Variants in SYBU observed in about 807,000 individuals in gnomAD.
SYBU encodes the protein GOLSYN A protein.
SYBU carries 21 observed loss-of-function variants against 35.9 expected under a neutral mutation model. The ratio of observed to expected loss-of-function variants is 0.58; its 90% CI spans 0.41 to 0.84. The LOEUF (loss-of-function observed/expected upper bound fraction) is 0.84. Among genes scored for constraint, SYBU ranks in the 40% least tolerant of loss-of-function variants. The pLI is 0.00. For missense variants in SYBU, 768 were observed against 848.2 expected (o/e 0.91, Z 1.17); for synonymous variants, 319 against 324.3 (o/e 0.98, Z 0.18).
chr8:109,627,169 C>T (rs1813080368), intron 2 of SYBU, among the ~76,000 whole-genome samples: 3 of 152,050 alleles, frequency 2.0e-5, no homozygotes, highest in Admixed American at 2.0e-4. Context: ...GAAGTTATTG[C>T]TAGTTTAAAG....
At position 109,575,155 on chromosome 8, in the gene SYBU, G is replaced by A; in HGVS notation, c.1743C>T (p.Ala581=). ...NRLMRELDFA[A]CVEERLDGVI... Reference sequence around the variant, plus strand: ...CACCATCCAACCTCTCTTCCACGCAGGCTGCAAAATCCAGCTCTCTCATGA... The same window carrying A: ...CACCATCCAACCTCTCTTCCACGCAAGCTGCAAAATCCAGCTCTCTCATGA... The change falls in exon 7 of 7, where the codon GCC becomes GCT. Residue 581 remains alanine (A), a synonymous_variant. Transcript: ENST00000276646. 1 of 1,614,218 alleles carries A rather than the reference G, an allele frequency of 6.2e-7. No individual in the cohort carries two copies. The highest frequency in any genetic ancestry group is 8.5e-7 in the Non-Finnish European group (1 of 1,180,036).
At chr8:109,577,742 A>T in intron 6 of SYBU, 126 bp downstream of exon 6, 2 of 1,110,914 alleles carry the variant, frequency 1.8e-6, no homozygotes, top group Non-Finnish European at 2.5e-6. Flanking sequence ...GGCTGACTTT[A>T]AAAATTTGAC....
intron 1 of SYBU, among the ~76,000 whole-genome samples, chr8:109,658,216 T>G (rs73321049): frequency 0.011 from 1,727 of 152,334 alleles, 20 homozygotes; most frequent in African/African-American, 0.039. Flanking sequence ...GGCTCTGGAT[T>G]CTCACTTTTA....
chr8:109,582,123 T>G (rs1366143444), intron 4 of SYBU, among the ~76,000 whole-genome samples: 1 of 152,208 alleles, frequency 6.6e-6, no homozygotes, highest in Non-Finnish European at 1.5e-5. Flanking sequence ...TAGGCAGGAA[T>G]GTAAAGAGCT....
chr8:109,686,144 CT>C (rs796318616), intron 1 of SYBU, among the ~76,000 whole-genome samples: 3,247 of 144,466 alleles, frequency 0.022, 94 homozygotes, highest in African/African-American at 0.073. Context: ...GAAGAAATGC[CT>C]TTTTTTTTTT....
Position 109,579,909 on chromosome 8 carries a change from C to G in SYBU, c.624G>C (p.Leu208=). 6.2e-7 allele frequency: 1 copy of G among 1,614,010 alleles called. No homozygotes were observed. Among genetic ancestry groups the G allele is most frequent in the Non-Finnish European group, 8.5e-7 (1 of 1,180,002 alleles). The change falls in exon 5 of 7, where the codon CTG becomes CTC. Residue 208 remains leucine, a synonymous_variant. Transcript: ENST00000276646. ...SPREKDLLSM[L]CRNQLSPVNI... ...TGACAGGGCTCAGCTGATTCCTGCA[C>G]AGCATGGACAGAAGGTCCTTTTCCC...
intron 1 of SYBU, among the ~76,000 whole-genome samples, chr8:109,652,668 T>G (rs1390426005): frequency 6.6e-6 from 1 of 152,224 alleles, no homozygotes; most frequent in Non-Finnish European, 1.5e-5. Context: ...GTAAAGTCTC[T>G]TGGCCTGAAA....
upstream of SYBU, among the ~76,000 whole-genome samples, chr8:109,685,523 C>T (rs1045345156): frequency 2.0e-5 from 3 of 152,166 alleles, no homozygotes; most frequent in Admixed American, 6.5e-5. Flanking sequence ...CAAACAGGTC[C>T]GGTCCCTCAA....
chr8:109,612,409 G>T (rs1003929663), intron 3 of SYBU, among the ~76,000 whole-genome samples: 3 of 152,150 alleles, frequency 2.0e-5, no homozygotes, highest in Non-Finnish European at 4.4e-5. Flanking sequence ...GTTTGCTGCC[G>T]GAAGACCTTA....
chr8:109,610,190 G>C (rs1321171869), intron 3 of SYBU, among the ~76,000 whole-genome samples: 1 of 152,032 alleles, frequency 6.6e-6, no homozygotes, highest in Non-Finnish European at 1.5e-5. Flanking sequence ...TCACTCTCCA[G>C]TTACCTTGTT....
intron 2 of SYBU, among the ~76,000 whole-genome samples, chr8:109,641,957 T>C (rs553485669): frequency 6.6e-6 from 1 of 152,372 alleles, no homozygotes; most frequent in Admixed American, 6.5e-5. Context: ...TTACTGGGTA[T>C]GTATCCAAAG....
chr8:109,576,761 T>C (rs1041477277), intron 6 of SYBU, among the ~76,000 whole-genome samples: 8 of 152,226 alleles, frequency 5.3e-5, no homozygotes, highest in Non-Finnish European at 1.2e-4. Context: ...TCTTTGTATA[T>C]AAATTCTTTC....
At chr8:109,623,120 A>G (rs2130424764) in intron 2 of SYBU, among the ~76,000 whole-genome samples, 1 of 152,352 alleles carries the variant, frequency 6.6e-6, no homozygotes, top group South Asian at 2.1e-4. Flanking sequence ...GTATAACTTT[A>G]CCTAAAAAAC....
intron 3 of SYBU, chr8:109,603,506 C>G: frequency 6.1e-6 from 3 of 493,940 alleles, no homozygotes; most frequent in Non-Finnish European, 7.9e-6. Flanking sequence ...CTCTGCCCCA[C>G]CCCCCTACAC....
chr8:109,670,240 T>C (rs1399012357), intron 1 of SYBU, among the ~76,000 whole-genome samples: 1 of 152,072 alleles, frequency 6.6e-6, no homozygotes, highest in Non-Finnish European at 1.5e-5. Context: ...TTTAAAACTT[T>C]TTTTAAATTT....
rs926560564 is a variant in SYBU, at chr8:109,644,074, A to C, written c.24+562T>G. ...ACCAGGAAGGGTCACGGCCAAAATAAACACCTCTGGGAGGCCGGCACATGG... is the reference window on the plus strand; with the variant it reads ...ACCAGGAAGGGTCACGGCCAAAATACACACCTCTGGGAGGCCGGCACATGG... On this transcript the variant is annotated intron_variant, in intron 1 of 6. Transcript: ENST00000276646. 8.8e-6 allele frequency: 4 copies of C among 456,694 alleles called. No individual in the cohort carries two copies. The Admixed American group carries it at 9.4e-5, about 11-fold the overall frequency. 28.3% of individuals were successfully genotyped at this position (456,694 alleles called of 1,614,324 possible).
intron 1 of SYBU, among the ~76,000 whole-genome samples, chr8:109,669,989 T>C (rs1183554430): frequency 6.6e-6 from 1 of 152,180 alleles, no homozygotes; most frequent in African/African-American, 2.4e-5. Context: ...TCAGTAATGG[T>C]AACAGAATTA....
intron 3 of SYBU, among the ~76,000 whole-genome samples, chr8:109,602,465 C>G: frequency 6.9e-6 from 1 of 144,698 alleles, no homozygotes; most frequent in South Asian, 2.2e-4. Flanking sequence ...CAGGGTTTCA[C>G]TCCCATCGTC....
At chr8:109,665,949 A>G (rs1272101259) in intron 1 of SYBU, among the ~76,000 whole-genome samples, 1 of 152,180 alleles carries the variant, frequency 6.6e-6, no homozygotes, top group African/African-American at 2.4e-5. Flanking sequence ...ATTTTGGGAG[A>G]GGAGAAACTA....
Sources: gnomAD v4.1 joint callset for allele counts (sites outside exome capture counted in the v4.1 genomes callset) on GRCh38, gnomAD v4.1.1 for gene constraint, MANE v1.5 for transcripts, NCBI Gene and HGNC (gene_info 2026-07-23, HGNC 2026-07-21) for gene names.